The following FRMD4A variants were observed in gnomAD, a reference collection of about 807,000 sequenced individuals.
FRMD4A encodes the protein FERM domain containing 4A.
In FRMD4A, 29 loss-of-function variants were observed where a neutral mutation model predicts 129.1. That is an observed-to-expected ratio of 0.22 (90% CI 0.17 to 0.31). The LOEUF (loss-of-function observed/expected upper bound fraction) is 0.31, where lower values mean the gene tolerates loss of function less well. Among genes scored for constraint, FRMD4A ranks in the 10% least tolerant of loss-of-function variants. The pLI, the probability that FRMD4A is intolerant of heterozygous loss-of-function variation, is 1.00. For synonymous variants in FRMD4A, 634 were observed against 571.6 expected (o/e 1.11, Z -1.56); for missense variants, 1,272 against 1,375.8 (o/e 0.92, Z 1.19).
intron 2 of FRMD4A, among the ~76,000 whole-genome samples, chr10:14,052,231 T>C (rs4748084): frequency 0.48 from 72,390 of 151,864 alleles, 17,886 homozygotes; most frequent in Middle Eastern, 0.58. Context: ...CTTTCGACTT[T>C]CAGCCTCCAG....
intron 2 of FRMD4A, among the ~76,000 whole-genome samples, chr10:14,229,029 A>T (rs1456018125): frequency 6.6e-6 from 1 of 152,036 alleles, no homozygotes; most frequent in Admixed American, 6.6e-5. Flanking sequence ...GTTCATGTGG[A>T]CTTTTCTTAT....
chr10:13,903,500 A>G (rs2094844234), intron 2 of FRMD4A, among the ~76,000 whole-genome samples: 1 of 152,166 alleles, frequency 6.6e-6, no homozygotes, highest in South Asian at 2.1e-4. Flanking sequence ...AGGTGAAGGC[A>G]GGAGGATCAC....
chr10:13,729,192 C>CGAG (rs3031968), intron 12 of FRMD4A, among the ~76,000 whole-genome samples: 113,851 of 151,576 alleles, frequency 0.75, 43,232 homozygotes, highest in South Asian at 0.82. Context: ...TGATAACATA[C>CGAG]GAGAAGGCCC....
In FRMD4A at chr10:13,826,103, C is replaced by T. The variant is rs543286630; in HGVS notation, c.112-15195G>A. On this transcript the variant is annotated intron_variant, in intron 3 of 24. Coordinates refer to ENST00000357447, the MANE Select transcript of FRMD4A (RefSeq NM_018027.5). The stretch of plus-strand genomic sequence containing the variant: ...TAACCTCTACCTCCCAAAGCTGTCA[C>T]GAGGACTCAATAAATGATCATTCAC... Among the ~76,000 whole-genome samples, 29 of 152,326 alleles carry T rather than the reference C, an allele frequency of 1.9e-4. 1 individual carries two copies. The East Asian group carries it at 4.4e-3, about 23-fold the overall frequency.
In FRMD4A at chr10:14,031,925, A is replaced by G. The variant is rs534271185; in HGVS notation, c.46-173013T>C. ...TTTCCCATGGGCCTTAGAATGATCA[A>G]TGATGTTTAATCCCTTTAGAGTCAG... On this transcript the variant is annotated intron_variant, in intron 2 of 24. Coordinates refer to ENST00000357447, the MANE Select transcript of FRMD4A (RefSeq NM_018027.5). 2.7e-4 allele frequency among the ~76,000 whole-genome samples: 41 copies of G among 152,156 alleles called. 1 individual carries two copies. The highest frequency in any genetic ancestry group is 9.6e-4 in the African/African-American group (40 of 41,480).
At chr10:13,673,483 A>G (rs947710804) in intron 16 of FRMD4A, among the ~76,000 whole-genome samples, 1 of 152,146 alleles carries the variant, frequency 6.6e-6, no homozygotes, top group Admixed American at 6.5e-5. Context: ...TTTACCGGCG[A>G]AGCTCTTTCT....
chr10:13,762,650 A>G lies in FRMD4A; in HGVS notation c.415T>C (p.Phe139Leu). 6.2e-7 allele frequency: 1 copy of G among 1,608,074 alleles called. No individual in the cohort carries two copies. Among genetic ancestry groups the G allele is most frequent in the East Asian group, 2.2e-5 (1 of 44,834 alleles). ...TGTAAAATATAGGAAGCTAATTCAAACACCACTTCGCTGTCAACGTCAATA... is the reference window on the plus strand; with the variant it reads ...TGTAAAATATAGGAAGCTAATTCAAGCACCACTTCGCTGTCAACGTCAATA... ...ELIDVDSEVV[F>L]ELASYILQEA... Residue 139 changes from phenylalanine to leucine, a missense_variant, in exon 7 of 25, where the codon TTT becomes CTT. Physicochemically the swap from Phe to Leu is conservative, Grantham distance 22. Coordinates refer to ENST00000357447, the MANE Select transcript of FRMD4A (RefSeq NM_018027.5).
chr10:13,755,264 G>C (rs1002962017), intron 8 of FRMD4A, among the ~76,000 whole-genome samples: 1 of 152,006 alleles, frequency 6.6e-6, no homozygotes, highest in Non-Finnish European at 1.5e-5. Context: ...CCTCTGGCCT[G>C]GCAAAAAAGA....
intron 18 of FRMD4A, among the ~76,000 whole-genome samples, chr10:13,665,210 C>T (rs1230009991): frequency 6.6e-6 from 1 of 152,058 alleles, no homozygotes; most frequent in Non-Finnish European, 1.5e-5. Context: ...TCATTGGCAT[C>T]AAGCACATTC....
chr10:14,099,986 A>G (rs1837213815), intron 2 of FRMD4A, among the ~76,000 whole-genome samples: 1 of 152,058 alleles, frequency 6.6e-6, no homozygotes, highest in African/African-American at 2.4e-5. Flanking sequence ...CTCTTTCCTC[A>G]GTTCTCTGTC....
intron 2 of FRMD4A, among the ~76,000 whole-genome samples, chr10:14,123,697 C>T (rs938613557): frequency 2.0e-5 from 3 of 152,204 alleles, no homozygotes; most frequent in Non-Finnish European, 2.9e-5. Context: ...CTTCAAGAAT[C>T]CTGATGTGCT....
At chr10:13,773,860 T>G (rs2092527442) in intron 6 of FRMD4A, among the ~76,000 whole-genome samples, 1 of 152,176 alleles carries the variant, frequency 6.6e-6, no homozygotes, top group Non-Finnish European at 1.5e-5. Flanking sequence ...GATGGGCACC[T>G]TCAGTTGGCT....
At chr10:14,088,103 T>C (rs1390142184) in intron 2 of FRMD4A, among the ~76,000 whole-genome samples, 1 of 152,116 alleles carries the variant, frequency 6.6e-6, no homozygotes, top group African/African-American at 2.4e-5. Context: ...CTTATATTAA[T>C]ATCCTTATCT....
chr10:14,001,520 C>G (rs958646885), intron 2 of FRMD4A, among the ~76,000 whole-genome samples: 4 of 152,192 alleles, frequency 2.6e-5, no homozygotes, highest in Non-Finnish European at 5.9e-5. Context: ...ATAGAGACAG[C>G]CTTTCCTTCC....
intron 2 of FRMD4A, among the ~76,000 whole-genome samples, chr10:13,937,356 T>TA (rs2131300989): frequency 6.6e-6 from 1 of 152,274 alleles, no homozygotes; most frequent in East Asian, 1.9e-4. Flanking sequence ...GCAGATGAAC[T>TA]AAAAAACAAC....
chr10:13,683,751 C>T (rs918625512), intron 15 of FRMD4A, among the ~76,000 whole-genome samples: 14 of 150,860 alleles, frequency 9.3e-5, no homozygotes, highest in East Asian at 2.0e-4. Context: ...CTCACTCTGT[C>T]GCCCAGGCTG....
chr10:14,080,982 A>T (rs744443), intron 2 of FRMD4A, among the ~76,000 whole-genome samples: 1 of 151,790 alleles, frequency 6.6e-6, no homozygotes, highest in African/African-American at 2.4e-5. Context: ...CTGTAAGTGG[A>T]GACAGTAAGC....
rs78312962 is a variant in FRMD4A, at chr10:14,306,329, G to A, written c.45+23729C>T. On this transcript the variant is annotated intron_variant, in intron 2 of 24. Coordinates refer to ENST00000357447, the MANE Select transcript of FRMD4A (RefSeq NM_018027.5). ...AAGAGGAAGGAACGGTGAAACGCCT[G>A]TTCCCAACACAGAGAGGTCATCTGA... Among the ~76,000 whole-genome samples, 1,332 of 152,308 alleles carry A rather than the reference G, an allele frequency of 8.7e-3. 22 individuals carry two copies. The highest frequency in any genetic ancestry group is 0.031 in the African/African-American group (1,275 of 41,542).
intron 3 of FRMD4A, among the ~76,000 whole-genome samples, chr10:13,830,848 G>A (rs2093779041): frequency 6.6e-6 from 1 of 152,162 alleles, no homozygotes; most frequent in Admixed American, 6.5e-5. Context: ...GGAGTTCAAT[G>A]GCACATTCTC....
Sources: allele counts gnomAD v4.1 joint callset (sites outside exome capture counted in the v4.1 genomes callset), GRCh38; gene constraint gnomAD v4.1.1; transcripts MANE v1.5; gene names NCBI Gene and HGNC (gene_info 2026-07-23, HGNC 2026-07-21).